The following TMEM123 variants were observed in gnomAD, a reference collection of about 807,000 sequenced individuals.
TMEM123 encodes transmembrane protein 123, also known as porimin.
Under a neutral mutation model 19.7 loss-of-function variants are expected in TMEM123, and 16 were observed. The observed-to-expected ratio is 0.81, with a 90% confidence interval of 0.55 to 1.23. TMEM123 has a LOEUF of 1.23. TMEM123 is among the 50% of genes most tolerant of loss of function. The pLI, the probability that TMEM123 is intolerant of heterozygous loss-of-function variation, is 0.00. For synonymous variants in TMEM123, 118 were observed against 99.4 expected (o/e 1.19, Z -1.12); for missense variants, 313 against 257.8 (o/e 1.21, Z -1.47).
intron 2 of TMEM123, among the ~76,000 whole-genome samples, chr11:102,409,387 A>G (rs919353017): frequency 3.3e-5 from 5 of 152,184 alleles, no homozygotes; most frequent in African/African-American, 1.2e-4. Flanking sequence ...AGAATTTACA[A>G]CCTTACCCCA....
chr11:102,438,821 G>A (rs547473647), intron 2 of TMEM123, among the ~76,000 whole-genome samples: 11 of 152,340 alleles, frequency 7.2e-5, no homozygotes, highest in Admixed American at 2.0e-4. Flanking sequence ...AAGGGGTTGG[G>A]GAATCCCCTT....
At chr11:102,436,244 C>T (rs1331650179) in intron 2 of TMEM123, among the ~76,000 whole-genome samples, 1 of 151,992 alleles carries the variant, frequency 6.6e-6, no homozygotes, top group Non-Finnish European at 1.5e-5. Flanking sequence ...CTCAGTGCAG[C>T]TTACACCTCC....
In TMEM123 at chr11:102,432,855, T is replaced by C. The variant is rs111338282; in HGVS notation, c.157+15957A>G. 6.5e-3 allele frequency among the ~76,000 whole-genome samples: 984 copies of C among 152,162 alleles called. 25 individuals are homozygous for C. Among genetic ancestry groups the C allele is most frequent in the African/African-American group, 0.022 (933 of 41,560 alleles). Reference sequence around the variant, plus strand: ...CAGCTCCAGCCATGGCTAAAAGGGGTCAAAGTACAGCTCAGGCCATTGCTT... The same window carrying C: ...CAGCTCCAGCCATGGCTAAAAGGGGCCAAAGTACAGCTCAGGCCATTGCTT... On this transcript the variant is annotated intron_variant, in intron 2 of 4. Transcript: ENST00000398136.
At chr11:102,420,199 G>A (rs1952074854) in intron 2 of TMEM123, among the ~76,000 whole-genome samples, 1 of 152,174 alleles carries the variant, frequency 6.6e-6, no homozygotes, top group Non-Finnish European at 1.5e-5. Context: ...TGCACTGACA[G>A]GCTCCCTTGC....
intron 1 of TMEM123, among the ~76,000 whole-genome samples, chr11:102,450,768 T>A (rs1484976761): frequency 6.6e-6 from 1 of 152,254 alleles, no homozygotes; most frequent in Non-Finnish European, 1.5e-5. Context: ...CTGTGAGGAT[T>A]CAATGGGATG....
intron 2 of TMEM123, among the ~76,000 whole-genome samples, chr11:102,444,422 A>G (rs956310013): frequency 6.6e-6 from 1 of 151,808 alleles, no homozygotes; most frequent in Non-Finnish European, 1.5e-5. Context: ...GGAAACCATC[A>G]TTCTCAGCAA....
intron 2 of TMEM123, among the ~76,000 whole-genome samples, chr11:102,413,073 T>C (rs2135848489): frequency 6.6e-6 from 1 of 152,326 alleles, no homozygotes; most frequent in East Asian, 1.9e-4. Context: ...TAGAGAGATT[T>C]ATAGCAAAAA....
chr11:102,443,644 T>A (rs1368776067), intron 2 of TMEM123, among the ~76,000 whole-genome samples: 1 of 152,128 alleles, frequency 6.6e-6, no homozygotes, highest in Non-Finnish European at 1.5e-5. Context: ...GGGCGAGGAC[T>A]TCATGACTAA....
intron 2 of TMEM123, among the ~76,000 whole-genome samples, chr11:102,432,969 T>G (rs1857727893): frequency 6.6e-6 from 1 of 151,976 alleles, no homozygotes; most frequent in African/African-American, 2.4e-5. Context: ...TTTGGGAACC[T>G]CTGACTGGAT....
At position 102,452,672 on chromosome 11, in the gene TMEM123, G is replaced by C. The variant is rs956004586; in HGVS notation, c.-49C>G. ...GCCTCGTGGGCTCCCAGCCGAGGTGGCGGCGGCGAGAGCGGCTCCTCTGCG... is the reference window on the plus strand; with the variant it reads ...GCCTCGTGGGCTCCCAGCCGAGGTGCCGGCGGCGAGAGCGGCTCCTCTGCG... On this transcript the variant is annotated 5_prime_UTR_variant, in exon 1 of 5. Transcript: ENST00000398136. 1.5e-6 allele frequency: 2 copies of C among 1,368,692 alleles called. No homozygotes were observed. The highest frequency in any genetic ancestry group is 9.6e-7 in the Non-Finnish European group (1 of 1,045,822). The allele number at this position is 1,368,692 out of a possible 1,614,324, so 84.8% of individuals were successfully genotyped here. A position where few individuals can be genotyped will look rare whatever the true frequency, so the allele number is the denominator to read the frequency against.
intron 2 of TMEM123, among the ~76,000 whole-genome samples, chr11:102,408,140 G>T (rs1250912005): frequency 1.3e-5 from 2 of 152,058 alleles, no homozygotes; most frequent in Non-Finnish European, 2.9e-5. Context: ...TTAACTCCTG[G>T]TTTCAACTAA....
chr11:102,449,482 T>C (rs1317172699), intron 1 of TMEM123: 4 of 152,632 alleles, frequency 2.6e-5, no homozygotes, highest in Admixed American at 6.5e-5. Flanking sequence ...AGATTAAATA[T>C]GTATAACACA....
At chr11:102,408,236 A>G (rs540456754) in intron 2 of TMEM123, among the ~76,000 whole-genome samples, 61 of 152,358 alleles carry the variant, frequency 4.0e-4, no homozygotes, top group Non-Finnish European at 6.8e-4. Flanking sequence ...TTCAGCCCAC[A>G]GTGAAAGACG....
chr11:102,437,757 C>A (rs548230893), intron 2 of TMEM123, among the ~76,000 whole-genome samples: 1 of 152,166 alleles, frequency 6.6e-6, no homozygotes, highest in African/African-American at 2.4e-5. Context: ...CATTCTAAGT[C>A]GTCAGAATCC....
At chr11:102,412,197 A>C (rs1338658626) in intron 2 of TMEM123, among the ~76,000 whole-genome samples, 1 of 152,172 alleles carries the variant, frequency 6.6e-6, no homozygotes, top group African/African-American at 2.4e-5. Context: ...TGGGAGGCCC[A>C]AGGGAGGCGA....
At position 102,398,736 on chromosome 11, in the gene TMEM123, C is replaced by A; in HGVS notation, c.*131G>T. The A allele has an allele frequency of 1.0e-5, 9 of 886,048 alleles. No individual in the cohort carries two copies. The highest frequency in any genetic ancestry group is 1.6e-5 in the Non-Finnish European group (9 of 564,458). 54.9% of individuals were successfully genotyped at this position (886,048 alleles called of 1,614,324 possible). On this transcript the variant is annotated 3_prime_UTR_variant, in exon 5 of 5. Coordinates refer to ENST00000398136, the MANE Select transcript of TMEM123 (RefSeq NM_052932.3). ...AGAATCTTTACATATTTACGTAATA[C>A]ACTGTACATTATATGCATGGCCTGT... is the stretch of plus-strand genomic sequence containing the variant.
chr11:102,400,059 ATGTT>A (rs1237407777), intron 4 of TMEM123, among the ~76,000 whole-genome samples: 1 of 152,190 alleles, frequency 6.6e-6, no homozygotes, highest in African/African-American at 2.4e-5. Context: ...TTATGATGCG[ATGTT>A]TATTTAGAGC....
At chr11:102,414,880 T>TCCA (rs1591557098) in intron 2 of TMEM123, among the ~76,000 whole-genome samples, 1 of 152,026 alleles carries the variant, frequency 6.6e-6, no homozygotes, top group East Asian at 1.9e-4. Context: ...AACTAGATGC[T>TCCA]CCACTTAAAA....
At chr11:102,432,709 C>T (rs973712324) in intron 2 of TMEM123, among the ~76,000 whole-genome samples, 5 of 152,262 alleles carry the variant, frequency 3.3e-5, no homozygotes, top group African/African-American at 1.2e-4. Context: ...GATACCTTCA[C>T]AGCAGCCCCT....
Sources: gnomAD v4.1 joint callset for allele counts (sites outside exome capture counted in the v4.1 genomes callset) on GRCh38, gnomAD v4.1.1 for gene constraint, MANE v1.5 for transcripts, NCBI Gene and HGNC (gene_info 2026-07-23, HGNC 2026-07-21) for gene names.